Variants in CAST observed in about 807,000 individuals in gnomAD.
CAST encodes MIR583 host.
A neutral mutation model predicts 119.6 loss-of-function variants in CAST; 76 were observed. The ratio of observed to expected loss-of-function variants is 0.64; its 90% confidence interval spans 0.53 to 0.77. CAST has a LOEUF of 0.77. Ranked by LOEUF, CAST falls within the 30% of genes least tolerant of loss-of-function variation. CAST has a pLI of 0.00. For synonymous variants in CAST, 319 were observed against 331.6 expected (o/e 0.96, Z 0.41); for missense variants, 953 against 946.5 (o/e 1.01, Z -0.09).
At chr5:96,069,327 G>T in the CAST span, among the ~76,000 whole-genome samples, 1 of 151,430 alleles carries the variant, frequency 6.6e-6, no homozygotes, top group Non-Finnish European at 1.5e-5. Context: ...TTATGTGATT[G>T]TGGAGACTGG....
chr5:96,338,251 A>G, the CAST span, among the ~76,000 whole-genome samples: 11 of 152,220 alleles, frequency 7.2e-5, no homozygotes, highest in African/African-American at 2.7e-4. Context: ...TGCACTTCAA[A>G]TTTCAGTTTC....
intron 1 of CAST, chr5:96,546,237 T>G (rs1162379970): frequency 2.0e-5 from 3 of 152,166 alleles, no homozygotes; most frequent in African/African-American, 7.2e-5. Flanking sequence ...GTTGGTGGTT[T>G]GGAACATCCC....
the CAST span, among the ~76,000 whole-genome samples, chr5:96,285,912 T>C: frequency 1.3e-5 from 2 of 152,242 alleles, no homozygotes; most frequent in Non-Finnish European, 2.9e-5. Flanking sequence ...CAAACATTTA[T>C]GAATGTGCCT....
chr5:96,322,059 C>A, the CAST span, among the ~76,000 whole-genome samples: 1 of 152,116 alleles, frequency 6.6e-6, no homozygotes. Context: ...CAAAATAATT[C>A]TTCTACTCCT....
intron 1 of CAST, among the ~76,000 whole-genome samples, chr5:96,584,165 C>T (rs1746813396): frequency 6.6e-6 from 1 of 152,170 alleles, no homozygotes; most frequent in Non-Finnish European, 1.5e-5. Flanking sequence ...ACTGTTCCAC[C>T]TTGGATGATC....
At chr5:95,967,181 C>T in the CAST span, among the ~76,000 whole-genome samples, 1 of 152,110 alleles carries the variant, frequency 6.6e-6, no homozygotes, top group African/African-American at 2.4e-5. Context: ...TTTAGCCTTT[C>T]ACTTTTAAAC....
chr5:96,070,855 G>A, the CAST span, among the ~76,000 whole-genome samples: 2 of 152,160 alleles, frequency 1.3e-5, no homozygotes, highest in African/African-American at 2.4e-5. Flanking sequence ...GCCCCAGAAG[G>A]GCAGGTGGAA....
the CAST span, among the ~76,000 whole-genome samples, chr5:96,297,937 G>A: frequency 1.3e-5 from 2 of 152,034 alleles, no homozygotes; most frequent in Non-Finnish European, 2.9e-5. Flanking sequence ...TCTTTTTTGT[G>A]GTGAATGTGC....
intron 1 of CAST, among the ~76,000 whole-genome samples, chr5:96,655,620 C>T (rs765298929): frequency 5.1e-4 from 77 of 152,204 alleles, no homozygotes; most frequent in Admixed American, 3.1e-3. Context: ...ACTGCAGATA[C>T]TTGCAATGCA....
At chr5:96,621,908 G>T (rs941820918) in intron 1 of CAST, among the ~76,000 whole-genome samples, 7 of 152,052 alleles carry the variant, frequency 4.6e-5, no homozygotes, top group Admixed American at 1.3e-4. Context: ...AAGCTGAAAG[G>T]GGGCAGAGGA....
chr5:96,661,407 A>G (rs1748439074), upstream of CAST, among the ~76,000 whole-genome samples: 1 of 135,890 alleles, frequency 7.4e-6, no homozygotes, highest in Admixed American at 7.6e-5. Context: ...ACAGAGCGAA[A>G]CTGCCTCTCC....
the CAST span, among the ~76,000 whole-genome samples, chr5:96,092,444 G>A: frequency 6.6e-6 from 1 of 152,088 alleles, no homozygotes; most frequent in Non-Finnish European, 1.5e-5. Flanking sequence ...CTCTAACATG[G>A]CATTCAATAT....
At chr5:96,073,191 GTTTTA>G in the CAST span, among the ~76,000 whole-genome samples, 1 of 152,212 alleles carries the variant, frequency 6.6e-6, no homozygotes, top group African/African-American at 2.4e-5. Context: ...TACAAGTTGT[GTTTTA>G]TTTTATATTT....
At chr5:96,763,451 C>T (rs1335977070) in intron 25 of CAST, among the ~76,000 whole-genome samples, 2 of 152,152 alleles carry the variant, frequency 1.3e-5, no homozygotes, top group African/African-American at 2.4e-5. Flanking sequence ...CCTAGGCTGC[C>T]GTTTACACTT....
chr5:96,524,765 T>C (rs1305880122), upstream of CAST, among the ~76,000 whole-genome samples: 1 of 152,206 alleles, frequency 6.6e-6, no homozygotes, highest in Non-Finnish European at 1.5e-5. Flanking sequence ...ACCAAAGATG[T>C]ATTTCCCACC....
the CAST span, among the ~76,000 whole-genome samples, chr5:96,411,866 A>G: frequency 1.3e-5 from 2 of 152,148 alleles, no homozygotes; most frequent in African/African-American, 4.8e-5. Context: ...CTGGAGTGCA[A>G]TGCTGCAATC....
chr5:96,593,732 G>A (rs1747004239), intron 1 of CAST, among the ~76,000 whole-genome samples: 2 of 152,246 alleles, frequency 1.3e-5, no homozygotes, highest in Non-Finnish European at 2.9e-5. Flanking sequence ...CTTATTAAAG[G>A]GATCCCAGAG....
At chr5:96,713,776 A>G (rs1273169745) in intron 3 of CAST, among the ~76,000 whole-genome samples, 2 of 152,076 alleles carry the variant, frequency 1.3e-5, no homozygotes, top group Non-Finnish European at 1.5e-5. Flanking sequence ...GGAGTTTGAG[A>G]CCAGCCTGAC....
At chr5:96,571,629 A>T (rs1746570598) in intron 1 of CAST, among the ~76,000 whole-genome samples, 1 of 152,210 alleles carries the variant, frequency 6.6e-6, no homozygotes, top group Admixed American at 6.5e-5. Flanking sequence ...AGCAAAGGGG[A>T]AAAGAATCAC....
Sources: allele counts gnomAD v4.1 joint callset (sites outside exome capture counted in the v4.1 genomes callset), GRCh38; gene constraint gnomAD v4.1.1; transcripts MANE v1.5; gene names NCBI Gene and HGNC (gene_info 2026-07-23, HGNC 2026-07-21).